Variants in PSD3 observed in about 807,000 individuals in gnomAD.
PSD3 encodes PH and SEC7 domain-containing protein 3.
A neutral mutation model predicts 105.5 loss-of-function variants in PSD3; 49 were observed. That is an observed-to-expected ratio of 0.46 (90% CI 0.37 to 0.59). The LOEUF is 0.59. PSD3 is among the 20% of genes least tolerant of loss of function. The pLI, the probability that PSD3 is intolerant of heterozygous loss-of-function variation, is 0.00. For synonymous variants in PSD3, 557 were observed against 457.8 expected, an observed-to-expected ratio of 1.22 and a Z score of -2.77; for missense variants, 1,561 against 1,263.8, an observed-to-expected ratio of 1.24 and a Z score of -3.57.
chr8:18,719,232 AGTTTCCTGG>A lies in PSD3; in HGVS notation c.2172+46208_2172+46216del, dbSNP rs1282734818. ...CGCCACTGAGATTGTCAAAGTGAAA[AGTTTCCTGG>A]GTACAATACACAGAGTTCCTCTAAA... On this transcript the variant is annotated intron_variant, in intron 9 of 15. Transcript: ENST00000327040. 2.6e-5 allele frequency among the ~76,000 whole-genome samples: 4 copies of A among 152,180 alleles called. No individual in the cohort carries two copies. The East Asian group carries it at 5.8e-4, about 22-fold the overall frequency.
At chr8:18,970,141 C>CCATCTCTACTAAAAATAGA (rs1324102935) in intron 1 of PSD3, among the ~76,000 whole-genome samples, 1 of 151,220 alleles carries the variant, frequency 6.6e-6, no homozygotes, top group African/African-American at 2.4e-5. Flanking sequence ...CTGGCTAACA[C>CCATCTCTACTAAAAATAGA]GGTGAAACCC....
At chr8:19,004,034 C>T (rs1457364308) in intron 1 of PSD3, among the ~76,000 whole-genome samples, 4 of 151,962 alleles carry the variant, frequency 2.6e-5, no homozygotes, top group Non-Finnish European at 5.9e-5. Flanking sequence ...TTCAGGCAGC[C>T]CTAGAAATCT....
At chr8:18,903,141 G>T (rs767645074) in intron 2 of PSD3, among the ~76,000 whole-genome samples, 2 of 152,146 alleles carry the variant, frequency 1.3e-5, no homozygotes, top group Non-Finnish European at 2.9e-5. Flanking sequence ...AGGCTCAGGG[G>T]GCCAGGTTGT....
rs150016895 is a variant in PSD3 at position 18,649,662 on chromosome 8, T to C, written c.2216+5980A>G. ...TTTAGAGGCGCCAGGGATGGAATGA[T>C]ATGGTTTGGATCTGTGCTCCCACAC... On this transcript the variant is annotated intron_variant, in intron 10 of 15. Coordinates refer to ENST00000327040, the MANE Select transcript of PSD3 (RefSeq NM_015310.4). 9.2e-3 allele frequency among the ~76,000 whole-genome samples: 1,399 copies of C among 152,286 alleles called. 9 individuals carry two copies. The highest frequency in any genetic ancestry group is 0.019 in the East Asian group (98 of 5,184).
intron 4 of PSD3, among the ~76,000 whole-genome samples, chr8:18,857,528 A>G (rs931463274): frequency 2.0e-5 from 3 of 152,194 alleles, no homozygotes; most frequent in African/African-American, 7.2e-5. Flanking sequence ...AGAATCTCTG[A>G]CGGTGAAGGC....
intron 1 of PSD3, among the ~76,000 whole-genome samples, chr8:18,957,263 C>T (rs1185636552): frequency 2.0e-5 from 3 of 151,562 alleles, no homozygotes. Context: ...CCCAGCTACT[C>T]GGGAGGCTGA....
intron 11 of PSD3, among the ~76,000 whole-genome samples, chr8:18,610,718 T>G (rs1189194754): frequency 2.0e-5 from 3 of 152,212 alleles, no homozygotes; most frequent in African/African-American, 7.2e-5. Flanking sequence ...AAAGAGAGAA[T>G]TGGAAGAATA....
chr8:18,978,160 C>T (rs1485451125), intron 1 of PSD3, among the ~76,000 whole-genome samples: 2 of 152,216 alleles, frequency 1.3e-5, no homozygotes, highest in Non-Finnish European at 2.9e-5. Flanking sequence ...GCAGGTAACA[C>T]AGCTCAGAGC....
chr8:18,870,119 C>G (rs529925815), intron 3 of PSD3, among the ~76,000 whole-genome samples: 2 of 152,152 alleles, frequency 1.3e-5, no homozygotes, highest in East Asian at 3.9e-4. Flanking sequence ...AGGATCCTGC[C>G]AGTGATCCCA....
intron 9 of PSD3, among the ~76,000 whole-genome samples, chr8:18,662,913 G>A (rs1809462569): frequency 1.3e-5 from 2 of 152,134 alleles, no homozygotes; most frequent in Admixed American, 1.3e-4. Context: ...GAGAGGGAGT[G>A]GGAGCTACAG....
intron 9 of PSD3, among the ~76,000 whole-genome samples, chr8:18,715,661 C>G (rs908869573): frequency 1.8e-4 from 28 of 152,178 alleles, no homozygotes; most frequent in African/African-American, 6.5e-4. Flanking sequence ...TGCTCTACCT[C>G]AGTTGTTATA....
intron 9 of PSD3, among the ~76,000 whole-genome samples, chr8:18,665,591 T>G (rs575453006): frequency 6.0e-4 from 92 of 152,360 alleles, no homozygotes; most frequent in Middle Eastern, 3.4e-3. Flanking sequence ...CATAAAGCAG[T>G]AGCAGGGTTT....
chr8:18,778,398 A>T (rs1198495354), intron 8 of PSD3, among the ~76,000 whole-genome samples: 1 of 152,156 alleles, frequency 6.6e-6, no homozygotes, highest in Non-Finnish European at 1.5e-5. Flanking sequence ...ATATAAGATC[A>T]TGTTATCTGA....
chr8:18,948,404 G>C (rs1032469975), intron 1 of PSD3, among the ~76,000 whole-genome samples: 1 of 152,128 alleles, frequency 6.6e-6, no homozygotes, highest in Non-Finnish European at 1.5e-5. Context: ...AAACTACACA[G>C]AACTTTAAAA....
intron 1 of PSD3, among the ~76,000 whole-genome samples, chr8:18,989,673 C>G (rs151309895): frequency 6.6e-6 from 1 of 152,310 alleles, no homozygotes; most frequent in East Asian, 1.9e-4. Flanking sequence ...TCATCTCAAA[C>G]AAATCTAAAA....
chr8:19,016,282 C>A (rs1827175265), upstream of PSD3, among the ~76,000 whole-genome samples: 1 of 152,134 alleles, frequency 6.6e-6, no homozygotes, highest in Non-Finnish European at 1.5e-5. Context: ...ATAACATATT[C>A]CTCCCCCACC....
chr8:18,986,258 T>C (rs1178557331), intron 1 of PSD3, among the ~76,000 whole-genome samples: 2 of 152,302 alleles, frequency 1.3e-5, no homozygotes, highest in East Asian at 3.9e-4. Flanking sequence ...AGAACTTCAG[T>C]TATCAAGTTT....
chr8:18,889,502 A>C (rs1818651284), intron 2 of PSD3, among the ~76,000 whole-genome samples: 1 of 152,152 alleles, frequency 6.6e-6, no homozygotes, highest in South Asian at 2.1e-4. Flanking sequence ...CTATAGCCCA[A>C]AGCCTGCCAA....
chr8:18,752,554 AATTATATATATT>A (rs1805632076), intron 9 of PSD3, among the ~76,000 whole-genome samples: 1 of 19,676 alleles, frequency 5.1e-5, no homozygotes, highest in African/African-American at 1.2e-4. Context: ...TATTATATAT[AATTATATATATT>A]ATATATATAA....
Sources: allele counts gnomAD v4.1 joint callset (sites outside exome capture counted in the v4.1 genomes callset), GRCh38; gene constraint gnomAD v4.1.1; transcripts MANE v1.5; gene names NCBI Gene and HGNC (gene_info 2026-07-23, HGNC 2026-07-21).